Variants in SFMBT1 observed in about 807,000 individuals in gnomAD.
SFMBT1 encodes the protein scm-like with four MBT domains protein 1.
In SFMBT1, 32 loss-of-function variants were observed where a neutral mutation model predicts 108.7. The ratio of observed to expected loss-of-function variants is 0.29; its 90% CI spans 0.22 to 0.40. The LOEUF is 0.40. Among genes scored for constraint, SFMBT1 ranks in the 10% least tolerant of loss-of-function variants. The pLI is 1.00. For synonymous variants in SFMBT1, 348 were observed against 369.5 expected (o/e 0.94, Z 0.67); for missense variants, 816 against 1,059.6 (o/e 0.77, Z 3.19).
At chr3:52,955,108 T>C (rs925227763) in intron 2 of SFMBT1, among the ~76,000 whole-genome samples, 1 of 151,932 alleles carries the variant, frequency 6.6e-6, no homozygotes, top group Non-Finnish European at 1.5e-5. Flanking sequence ...TTCAAAAAAA[T>C]AAACAAATAC....
Position 52,934,655 on chromosome 3 carries a change from CA to C in SFMBT1, c.453+157del, listed in dbSNP as rs560165409. 2.2e-4 allele frequency among the ~76,000 whole-genome samples: 34 copies of C among 152,324 alleles called. No homozygotes were observed. The South Asian group carries it at 3.7e-3, about 17-fold the overall frequency. ...AGGCACTAAGCAAGCCACCAGTTTGCAACCTCTGAGGGTAAGTTTAAACTTC... is the reference window on the plus strand; with the variant it reads ...AGGCACTAAGCAAGCCACCAGTTTGCACCTCTGAGGGTAAGTTTAAACTTC... On this transcript the variant is annotated intron_variant, in intron 5 of 20. Coordinates refer to ENST00000394752, the MANE Select transcript of SFMBT1 (RefSeq NM_016329.4).
intron 2 of SFMBT1, among the ~76,000 whole-genome samples, chr3:52,959,557 T>A (rs1421845441): frequency 6.6e-6 from 1 of 152,206 alleles, no homozygotes. Flanking sequence ...ACATTTGCTA[T>A]CCCTCAACTC....
chr3:52,965,315 G>C (rs549265576), intron 2 of SFMBT1, among the ~76,000 whole-genome samples: 15 of 109,262 alleles, frequency 1.4e-4, no homozygotes, highest in African/African-American at 1.0e-4. Context: ...AAACAACAGA[G>C]AGAAAACATT....
intron 2 of SFMBT1, among the ~76,000 whole-genome samples, chr3:52,957,172 C>G (rs528410004): frequency 6.6e-6 from 1 of 152,076 alleles, no homozygotes; most frequent in Non-Finnish European, 1.5e-5. Context: ...CATTCCTATA[C>G]GCCAACAACA....
At chr3:52,941,665 G>C (rs1217460891) in intron 4 of SFMBT1, among the ~76,000 whole-genome samples, 1 of 145,532 alleles carries the variant, frequency 6.9e-6, no homozygotes, top group African/African-American at 2.5e-5. Context: ...CCAACACTTT[G>C]AAAGGAGGAA....
chr3:52,913,423 C>T, intron 15 of SFMBT1, 55 bp downstream of exon 15: 1 of 1,584,580 alleles, frequency 6.3e-7, no homozygotes, highest in Non-Finnish European at 8.6e-7. Flanking sequence ...TAGAAATGAC[C>T]ATAGGAGAAT....
chr3:52,992,877 C>A (rs1705187929), intron 1 of SFMBT1, among the ~76,000 whole-genome samples: 1 of 152,198 alleles, frequency 6.6e-6, no homozygotes, highest in Non-Finnish European at 1.5e-5. Context: ...TGGGCCCCAC[C>A]TTCATCTTTC....
At chr3:52,924,450 T>C (rs1003759365) in intron 10 of SFMBT1, among the ~76,000 whole-genome samples, 1 of 152,110 alleles carries the variant, frequency 6.6e-6, no homozygotes, top group African/African-American at 2.4e-5. Flanking sequence ...GAGACCAGCC[T>C]GGCCAACATG....
intron 1 of SFMBT1, among the ~76,000 whole-genome samples, chr3:53,033,448 G>A (rs1224911252): frequency 1.3e-5 from 2 of 151,912 alleles, no homozygotes; most frequent in South Asian, 2.1e-4. Flanking sequence ...GGTGTGAGCC[G>A]CCGCGCCCGG....
At chr3:53,024,331 C>T (rs1407615313) in intron 1 of SFMBT1, among the ~76,000 whole-genome samples, 3 of 150,070 alleles carry the variant, frequency 2.0e-5, no homozygotes, top group Non-Finnish European at 2.9e-5. Flanking sequence ...GAGCTAGTTA[C>T]TCACATAACT....
intron 2 of SFMBT1, among the ~76,000 whole-genome samples, chr3:52,962,389 AG>A (rs1218076117): frequency 6.6e-6 from 1 of 152,252 alleles, no homozygotes; most frequent in African/African-American, 2.4e-5. Flanking sequence ...TATTCAGTAC[AG>A]GTTGCTGTAA....
intron 10 of SFMBT1, among the ~76,000 whole-genome samples, 195 bp from the exon 11 acceptor site, chr3:52,922,026 T>C (rs1372412164): frequency 1.3e-5 from 2 of 152,214 alleles, no homozygotes; most frequent in Non-Finnish European, 2.9e-5. Flanking sequence ...ATACAGGAAG[T>C]ACACTCTTTG....
At chr3:53,042,221 G>C (rs914971822) in intron 1 of SFMBT1, among the ~76,000 whole-genome samples, 3 of 152,194 alleles carry the variant, frequency 2.0e-5, no homozygotes, top group African/African-American at 7.2e-5. Flanking sequence ...ACAGACTTTA[G>C]AGTTAAATGA....
Position 53,004,786 on chromosome 3 carries a change from G to A in SFMBT1, c.-130-35528C>T, listed in dbSNP as rs188686200. ...CTGTGTAACATAGGGCCTCCACCTT[G>A]ATGCCAGCCAACACACACATGTGCT... is the stretch of plus-strand genomic sequence containing the variant. On this transcript the variant is annotated intron_variant, in intron 1 of 20. Transcript: ENST00000394752. Among the ~76,000 whole-genome samples, 4 of 150,232 alleles carry A rather than the reference G, an allele frequency of 2.7e-5. 1 individual carries two copies. Among genetic ancestry groups the A allele is most frequent in the Non-Finnish European group, 6.0e-5 (4 of 67,006 alleles).
At position 52,967,862 on chromosome 3, in the gene SFMBT1, A is replaced by C. The variant is rs542274372; in HGVS notation, c.28+1239T>G. 3.8e-4 allele frequency among the ~76,000 whole-genome samples: 58 copies of C among 152,344 alleles called. 1 individual carries two copies. The highest frequency in any genetic ancestry group is 1.1e-3 in the African/African-American group (47 of 41,580). ...GATGTAGAGAAACTAGAACTCTCAT[A>C]TACTGCTGGTGAGAATGTAAAATGG... On this transcript the variant is annotated intron_variant, in intron 2 of 20. Coordinates refer to ENST00000394752, the MANE Select transcript of SFMBT1 (RefSeq NM_016329.4).
At chr3:52,980,324 G>A (rs1441264076) in intron 1 of SFMBT1, among the ~76,000 whole-genome samples, 3 of 151,528 alleles carry the variant, frequency 2.0e-5, no homozygotes, top group Non-Finnish European at 2.9e-5. Context: ...CAAGTGTTGC[G>A]ACTATCTCCG....
intron 2 of SFMBT1, among the ~76,000 whole-genome samples, chr3:52,955,127 G>T (rs1334742319): frequency 6.6e-6 from 1 of 152,030 alleles, no homozygotes; most frequent in Non-Finnish European, 1.5e-5. Flanking sequence ...ACAGGCACTG[G>T]TTTTTTGAAA....
intron 1 of SFMBT1, among the ~76,000 whole-genome samples, chr3:53,022,322 C>A (rs975313347): frequency 6.6e-6 from 1 of 151,748 alleles, no homozygotes; most frequent in East Asian, 1.9e-4. Context: ...TGGTGGCATG[C>A]GCCTGCAGTC....
intron 1 of SFMBT1, among the ~76,000 whole-genome samples, chr3:53,022,449 C>CAAAAAAAAA (rs34744052): frequency 2.5e-5 from 1 of 40,630 alleles, no homozygotes; most frequent in African/African-American, 6.9e-5. Context: ...GGTGCTGTCT[C>CAAAAAAAAA]AAAAAAAAAA....
Sources: allele counts gnomAD v4.1 joint callset (sites outside exome capture counted in the v4.1 genomes callset), GRCh38; gene constraint gnomAD v4.1.1; transcripts MANE v1.5; gene names NCBI Gene and HGNC (gene_info 2026-07-23, HGNC 2026-07-21).